RALYL: variants seen among roughly 807,000 people sequenced by gnomAD.
RALYL encodes RALY RNA binding protein like.
A neutral mutation model predicts 35.1 loss-of-function variants in RALYL; 29 were observed. That is an observed-to-expected ratio of 0.83 (90% CI 0.61 to 1.13). The LOEUF is 1.13. RALYL is among the 50% of genes most tolerant of loss of function. RALYL has a pLI of 0.00. For synonymous variants in RALYL, 120 were observed against 127.6 expected, an observed-to-expected ratio of 0.94 and a Z score of 0.40; for missense variants, 359 against 360.4, an observed-to-expected ratio of 1.00 and a Z score of 0.03.
intron 1 of RALYL, among the ~76,000 whole-genome samples, chr8:84,350,574 A>G (rs1850700494): frequency 6.7e-6 from 1 of 150,240 alleles, no homozygotes; most frequent in Non-Finnish European, 1.5e-5. Flanking sequence ...GTAAGTAAAA[A>G]CAAGCCATGC....
chr8:84,523,609 C>T (rs1022754878), intron 1 of RALYL, among the ~76,000 whole-genome samples: 1 of 151,306 alleles, frequency 6.6e-6, no homozygotes, highest in Non-Finnish European at 1.5e-5. Context: ...TGGTGTGCTG[C>T]ACCCACTAAC....
chr8:84,920,414 A>T (rs1849135729), intron 8 of RALYL, among the ~76,000 whole-genome samples: 1 of 152,104 alleles, frequency 6.6e-6, no homozygotes, highest in South Asian at 2.1e-4. Flanking sequence ...CTTCTTTTGC[A>T]ACCAAGATTG....
chr8:84,797,704 A>G (rs16913316), intron 3 of RALYL, among the ~76,000 whole-genome samples: 5,644 of 152,330 alleles, frequency 0.037, 321 homozygotes, highest in African/African-American at 0.13. Flanking sequence ...GTAGACAAAC[A>G]AGATTTCAAA....
At chr8:84,815,196 A>G (rs1826894469) in intron 4 of RALYL, among the ~76,000 whole-genome samples, 1 of 152,216 alleles carries the variant, frequency 6.6e-6, no homozygotes, top group Admixed American at 6.5e-5. Context: ...ATAGATGCAA[A>G]GAGCCCAGAA....
intron 2 of RALYL, among the ~76,000 whole-genome samples, chr8:84,731,562 C>A (rs1846182085): frequency 6.6e-6 from 1 of 152,130 alleles, no homozygotes; most frequent in South Asian, 2.1e-4. Context: ...CCATCCAATT[C>A]TCTCCACTTT....
intron 2 of RALYL, among the ~76,000 whole-genome samples, chr8:84,656,989 T>C (rs1830076246): frequency 6.6e-6 from 1 of 152,146 alleles, no homozygotes; most frequent in African/African-American, 2.4e-5. Flanking sequence ...AAGCAGATGA[T>C]TCAGATTTTA....
intron 1 of RALYL, among the ~76,000 whole-genome samples, chr8:84,346,412 A>G (rs1849845471): frequency 6.6e-6 from 1 of 152,132 alleles, no homozygotes; most frequent in Non-Finnish European, 1.5e-5. Flanking sequence ...ATACATATGT[A>G]TTGCATGAAT....
intron 1 of RALYL, among the ~76,000 whole-genome samples, chr8:84,422,405 C>A (rs1160325572): frequency 7.4e-6 from 1 of 135,314 alleles, no homozygotes; most frequent in African/African-American, 3.0e-5. Flanking sequence ...TCCCCTTTAT[C>A]ATTTTTTATT....
At chr8:84,568,021 G>A (rs1483585918) in intron 2 of RALYL, among the ~76,000 whole-genome samples, 2 of 151,266 alleles carry the variant, frequency 1.3e-5, no homozygotes, top group Non-Finnish European at 3.0e-5. Flanking sequence ...AGAAATGTCT[G>A]TTCATGTCCT....
intron 2 of RALYL, among the ~76,000 whole-genome samples, chr8:84,539,987 T>C (rs1007258683): frequency 6.7e-6 from 1 of 150,286 alleles, no homozygotes; most frequent in African/African-American, 2.4e-5. Flanking sequence ...AAATATGATA[T>C]TGTAAATAAT....
At chr8:84,563,424 A>T (rs941136303) in intron 2 of RALYL, among the ~76,000 whole-genome samples, 1 of 151,878 alleles carries the variant, frequency 6.6e-6, no homozygotes, top group Non-Finnish European at 1.5e-5. Context: ...AGACTATTAC[A>T]TTGGCACTCA....
chr8:84,183,994 G>A lies in RALYL; in HGVS notation c.-454G>A, dbSNP rs1355410839. On this transcript the variant is annotated 5_prime_UTR_variant, in exon 1 of 9. Transcript: ENST00000521268. Reference sequence around the variant, plus strand: ...TGGGATTTTACGGCAGTGTTTACAAGTTTGTGGTCTTGCAATACTGGTGCA... The same window carrying A: ...TGGGATTTTACGGCAGTGTTTACAAATTTGTGGTCTTGCAATACTGGTGCA... 1 of 152,090 alleles carries A rather than the reference G, an allele frequency of 6.6e-6. No homozygotes were observed. The highest frequency in any genetic ancestry group is 1.5e-5 in the Non-Finnish European group (1 of 68,008). 9.4% of individuals were successfully genotyped at this position (152,090 alleles called of 1,614,324 possible).
At chr8:84,462,828 G>T (rs1170454722) in intron 1 of RALYL, among the ~76,000 whole-genome samples, 1 of 151,610 alleles carries the variant, frequency 6.6e-6, no homozygotes, top group East Asian at 1.9e-4. Flanking sequence ...TTATAATGGG[G>T]AATGTCTTCC....
intron 3 of RALYL, among the ~76,000 whole-genome samples, chr8:84,779,012 T>C (rs1817494450): frequency 6.6e-6 from 1 of 152,220 alleles, no homozygotes; most frequent in Admixed American, 6.5e-5. Context: ...GCAATAAAAA[T>C]GTCTCCCATT....
At chr8:84,438,142 A>G (rs1427718847) in intron 1 of RALYL, among the ~76,000 whole-genome samples, 1 of 151,982 alleles carries the variant, frequency 6.6e-6, no homozygotes, top group Non-Finnish European at 1.5e-5. Context: ...TTTCTTATAT[A>G]TTCTGGATGT....
intron 1 of RALYL, among the ~76,000 whole-genome samples, chr8:84,368,155 G>A (rs1026809070): frequency 1.1e-4 from 16 of 152,180 alleles, no homozygotes; most frequent in South Asian, 8.3e-4. Context: ...ACTGAAAAAC[G>A]AAATAAGTCA....
intron 2 of RALYL, among the ~76,000 whole-genome samples, chr8:84,677,115 T>C (rs957247729): frequency 3.9e-5 from 6 of 152,092 alleles, no homozygotes; most frequent in Non-Finnish European, 5.9e-5. Context: ...TCTTGTACTT[T>C]AAAGGAAGAA....
At chr8:84,715,998 T>C (rs1842900804) in intron 2 of RALYL, among the ~76,000 whole-genome samples, 1 of 152,154 alleles carries the variant, frequency 6.6e-6, no homozygotes, top group African/African-American at 2.4e-5. Context: ...TGGCATATAT[T>C]TTTGTAATGT....
intron 1 of RALYL, among the ~76,000 whole-genome samples, chr8:84,270,795 A>T (rs756784758): frequency 3.9e-5 from 6 of 152,226 alleles, no homozygotes; most frequent in East Asian, 1.9e-4. Context: ...TTAAAAATTT[A>T]AAATTAATTT....
Sources: gnomAD v4.1 joint callset for allele counts (sites outside exome capture counted in the v4.1 genomes callset) on GRCh38, gnomAD v4.1.1 for gene constraint, MANE v1.5 for transcripts, NCBI Gene and HGNC (gene_info 2026-07-23, HGNC 2026-07-21) for gene names.